Variants in FBXO11 observed in about 807,000 individuals in gnomAD.
The protein encoded by FBXO11 is F-box protein 11.
FBXO11 carries 13 observed loss-of-function variants against 117.0 expected under a neutral mutation model. That is an observed-to-expected ratio of 0.11 (90% confidence interval 0.07 to 0.18). FBXO11 has a LOEUF of 0.18. FBXO11 is among the 10% of genes least tolerant of loss of function. FBXO11 has a pLI of 1.00. For synonymous variants in FBXO11, 490 were observed against 380.5 expected, an observed-to-expected ratio of 1.29 and a Z score of -3.35; for missense variants, 767 against 1,164.4, an observed-to-expected ratio of 0.66 and a Z score of 4.97.
At chr2:47,902,956 G>C (rs1678410989) in intron 1 of FBXO11, among the ~76,000 whole-genome samples, 1 of 150,524 alleles carries the variant, frequency 6.6e-6, no homozygotes, top group Non-Finnish European at 1.5e-5. Flanking sequence ...TACATTCTTA[G>C]CTTTAGTTCT....
At chr2:47,809,802 G>A in intron 19 of FBXO11, 95 bp from the exon 20 acceptor site, 2 of 755,470 alleles carry the variant, frequency 2.6e-6, no homozygotes, top group Middle Eastern at 3.6e-4. Flanking sequence ...TTCTTTTATA[G>A]AAGTACATTA....
At chr2:47,854,934 T>C (rs1257485983) in intron 1 of FBXO11, among the ~76,000 whole-genome samples, 1 of 151,894 alleles carries the variant, frequency 6.6e-6, no homozygotes, top group African/African-American at 2.4e-5. Context: ...AGAGATGGCT[T>C]TGGCAGCAAC....
At position 47,809,661 on chromosome 2, in the gene FBXO11, C is replaced by G. The variant is rs1248577579; in HGVS notation, c.2385G>C (p.Gln795His). 3.7e-6 allele frequency: 6 copies of G among 1,613,650 alleles called. No individual in the cohort carries two copies. In the Admixed American group the frequency reaches 5.0e-5, roughly 13 times the overall value. Residue 795 changes from glutamine to histidine, a missense_variant, in exon 20 of 23, where the codon CAG becomes CAC. Gln to His is a conservative substitution (Grantham distance 24). Around this residue, in one of 10 missense-constraint regions of FBXO11, gnomAD observed 66 missense variants for 82.7 expected, o/e 0.80. Coordinates refer to ENST00000403359, the MANE Select transcript of FBXO11 (RefSeq NM_001190274.2). Reference protein sequence around the residue: ...NHATATLEGNQIFNNRFGGLF... With the variant: ...NHATATLEGNHIFNNRFGGLF... ...AGCCTCCAAACCGGTTGTTAAAAAT[C>G]TGATTGCCTTCTAGTGTTGCAGTTG...
At chr2:47,830,398 T>G (rs1207637535) in intron 11 of FBXO11, among the ~76,000 whole-genome samples, 2 of 151,714 alleles carry the variant, frequency 1.3e-5, no homozygotes, top group African/African-American at 4.8e-5. Context: ...AAACAAAAAA[T>G]GGCTGGATGA....
chr2:47,842,247 C>T (rs1356101866), intron 1 of FBXO11, among the ~76,000 whole-genome samples: 5 of 152,000 alleles, frequency 3.3e-5, no homozygotes, highest in African/African-American at 1.2e-4. Context: ...ATCTCTTGAC[C>T]TCGTGATCTG....
chr2:47,833,162 ACTG>A, intron 7 of FBXO11, 92 bp from the exon 8 acceptor site: 2 of 765,012 alleles, frequency 2.6e-6, no homozygotes, highest in Non-Finnish European at 4.4e-6. Flanking sequence ...AAACATTAGT[ACTG>A]AGTAGTGGGA....
intron 1 of FBXO11, among the ~76,000 whole-genome samples, chr2:47,841,138 C>T (rs1421688062): frequency 6.6e-6 from 1 of 151,946 alleles, no homozygotes; most frequent in Non-Finnish European, 1.5e-5. Context: ...GCAGAGCTTG[C>T]AGTGAGCCGA....
intron 1 of FBXO11, among the ~76,000 whole-genome samples, chr2:47,891,153 T>C (rs1677234912): frequency 6.6e-6 from 1 of 152,178 alleles, no homozygotes; most frequent in South Asian, 2.1e-4. Flanking sequence ...CATACATGAA[T>C]ACTACCTTCT....
At position 47,825,571 on chromosome 2, in the gene FBXO11, C is replaced by CTTTT. The variant is rs751404253; in HGVS notation, c.1399-2215_1399-2212dup. Among the ~76,000 whole-genome samples the CTTTT allele has an allele frequency of 1.0e-3, 88 of 88,266 alleles. 1 individual carries two copies. The highest frequency in any genetic ancestry group is 2.4e-3 in the African/African-American group (53 of 22,178). The allele number at this position is 88,266 out of a possible 152,430, so 57.9% of individuals were successfully genotyped here. ...GTCTGGTGGATTTTTTCTTCTTCTT[C>CTTTT]TTTTTTTTTTTTTTTTTTTTTTTTT... is the stretch of plus-strand genomic sequence containing the variant. On this transcript the variant is annotated intron_variant, in intron 11 of 22. Transcript: ENST00000403359.
At chr2:47,809,056 A>AGTTAGTTCAGT (rs1407910342) in intron 21 of FBXO11, 102 bp downstream of exon 21, 22 of 667,370 alleles carry the variant, frequency 3.3e-5, no homozygotes, top group Non-Finnish European at 5.7e-5. Flanking sequence ...TCAGTTAGTT[A>AGTTAGTTCAGT]TAGTCTCAAC....
intron 1 of FBXO11, among the ~76,000 whole-genome samples, chr2:47,863,672 C>T (rs1002796935): frequency 2.0e-5 from 3 of 152,148 alleles, no homozygotes; most frequent in African/African-American, 7.2e-5. Flanking sequence ...AACACAAAGG[C>T]CGGGTGCGGT....
chr2:47,845,867 G>A (rs1272735508), intron 1 of FBXO11, among the ~76,000 whole-genome samples: 1 of 151,082 alleles, frequency 6.6e-6, no homozygotes, highest in East Asian at 1.9e-4. Context: ...CACTAGTGGT[G>A]GCTTATCTCC....
In FBXO11 at chr2:47,823,285, C is replaced by A; in HGVS notation, c.1474G>T (p.Val492Leu). The A allele has an allele frequency of 1.4e-5, 22 of 1,614,070 alleles. No individual in the cohort carries two copies. The highest frequency in any genetic ancestry group is 1.8e-5 in the Non-Finnish European group (21 of 1,180,014). ...FEVKAYANPT[V>L]VRCEIHHGQT... The stretch of plus-strand genomic sequence containing the variant: ...CCATGGTGAATTTCACATCGAACCA[C>A]TGTAGGGTTAGCATAGGCTTTTACT... The change falls in exon 12 of 23, where the codon GTG becomes TTG. Residue 492 changes from valine (V) to leucine (L), a missense_variant. By Grantham distance (32) the Val-to-Leu change is conservative. Coordinates refer to ENST00000403359, the MANE Select transcript of FBXO11 (RefSeq NM_001190274.2).
At position 47,834,627 on chromosome 2, in the gene FBXO11, T is replaced by C. The variant is rs144063499; in HGVS notation, c.886A>G (p.Thr296Ala). ...GLIFVHSGIY[T>A]DEWIYIESPI... ...GATTCAATATATATCCATTCATCAG[T>C]ATATATTCCAGAATGAACAAAGATA... is the stretch of plus-strand genomic sequence containing the variant. The change falls in exon 7 of 23, where the codon ACT becomes GCT. Residue 296 changes from threonine (T) to alanine (A), a missense_variant. By Grantham distance (58) the Thr-to-Ala change is moderately conservative. Coordinates refer to ENST00000403359, the MANE Select transcript of FBXO11 (RefSeq NM_001190274.2). The C allele has an allele frequency of 2.1e-5, 33 of 1,605,762 alleles. No individual in the cohort carries two copies. In the African/African-American group the frequency reaches 4.3e-4, roughly 21 times the overall value.
At chr2:47,901,152 TAC>T (rs1252500165) in intron 1 of FBXO11, among the ~76,000 whole-genome samples, 42 of 140,824 alleles carry the variant, frequency 3.0e-4, no homozygotes, top group South Asian at 2.0e-3. Context: ...CACACGTGTG[TAC>T]ATATATACAT....
intron 1 of FBXO11, among the ~76,000 whole-genome samples, chr2:47,875,105 C>T (rs905293530): frequency 6.6e-6 from 1 of 152,044 alleles, no homozygotes; most frequent in Non-Finnish European, 1.5e-5. Context: ...ACAGCAATAT[C>T]TAATATAACT....
intron 4 of FBXO11, chr2:47,837,184 T>C (rs1672649048): frequency 6.0e-6 from 1 of 167,048 alleles, no homozygotes; most frequent in Admixed American, 6.4e-5. Context: ...AATGCTGTTT[T>C]GTTCTGCTGC....
intron 1 of FBXO11, among the ~76,000 whole-genome samples, chr2:47,871,313 C>T (rs994822637): frequency 2.0e-5 from 3 of 152,190 alleles, no homozygotes; most frequent in Non-Finnish European, 2.9e-5. Context: ...TAGCAAGACA[C>T]TGAAGCCTCT....
At chr2:47,811,445 C>T (rs1187296934) in intron 18 of FBXO11, 1 of 152,250 alleles carries the variant, frequency 6.6e-6, no homozygotes, top group African/African-American at 2.4e-5. Flanking sequence ...AAACTCCTGA[C>T]CTCAAATGAT....
Sources: gnomAD v4.1 joint callset for allele counts (sites outside exome capture counted in the v4.1 genomes callset) on GRCh38, gnomAD v4.1.1 for gene constraint, gnomAD v4.1.1 regional missense constraint, MANE v1.5 for transcripts, NCBI Gene and HGNC (gene_info 2026-07-23, HGNC 2026-07-21) for gene names.